Variants in TENM2 observed in about 807,000 individuals in gnomAD.
TENM2 encodes the protein teneurin transmembrane protein 2.
TENM2 carries 52 observed loss-of-function variants against 245.2 expected under a neutral mutation model. The ratio of observed to expected loss-of-function variants is 0.21; its 90% CI spans 0.17 to 0.27. The LOEUF is 0.27. TENM2 is among the 10% of genes least tolerant of loss of function. The probability of loss-of-function intolerance (pLI) is 1.00; values close to 1 mark genes in which losing one functional copy is unlikely to be tolerated. For missense variants in TENM2, 3,046 were observed against 3,666.8 expected (o/e 0.83, Z 4.37); for synonymous variants, 1,363 against 1,438.9 (o/e 0.95, Z 1.19).
chr5:168,140,151 A>G (rs1338385929), intron 12 of TENM2, among the ~76,000 whole-genome samples: 5 of 152,196 alleles, frequency 3.3e-5, no homozygotes, highest in Admixed American at 1.3e-4. Context: ...TCTCATTACC[A>G]TGATACAATG....
the TENM2 span, among the ~76,000 whole-genome samples, chr5:166,982,701 A>C: frequency 6.6e-6 from 1 of 152,068 alleles, no homozygotes. Context: ...ATGTACTCAC[A>C]AGGAGAAACC....
chr5:168,068,492 G>T (rs2066910539), intron 7 of TENM2, among the ~76,000 whole-genome samples: 1 of 152,050 alleles, frequency 6.6e-6, no homozygotes. Flanking sequence ...TCAAATCCAT[G>T]TTTAGTATTA....
chr5:167,735,581 A>C (rs1207412471), intron 2 of TENM2, among the ~76,000 whole-genome samples: 4 of 152,192 alleles, frequency 2.6e-5, no homozygotes, highest in African/African-American at 7.2e-5. Flanking sequence ...CCAAGGCAGG[A>C]GGATCGCTTA....
At chr5:167,647,610 G>C (rs1415063871) in intron 2 of TENM2, among the ~76,000 whole-genome samples, 1 of 151,966 alleles carries the variant, frequency 6.6e-6, no homozygotes, top group South Asian at 2.1e-4. Flanking sequence ...GCAACAGAGA[G>C]AGACTTAGTC....
At chr5:167,134,163 T>C in the TENM2 span, among the ~76,000 whole-genome samples, 1 of 152,302 alleles carries the variant, frequency 6.6e-6, no homozygotes, top group Admixed American at 6.5e-5. Context: ...AAACTGGGAT[T>C]ATTAAAAGTC....
At chr5:168,238,341 T>C (rs1392492514) in intron 25 of TENM2, among the ~76,000 whole-genome samples, 2 of 151,100 alleles carry the variant, frequency 1.3e-5, no homozygotes, top group African/African-American at 4.9e-5. Flanking sequence ...AATGAAGATG[T>C]CCTCTAGGCC....
At chr5:167,998,902 A>G (rs910853836) in intron 5 of TENM2, among the ~76,000 whole-genome samples, 1 of 152,216 alleles carries the variant, frequency 6.6e-6, no homozygotes, top group Non-Finnish European at 1.5e-5. Flanking sequence ...ATTATTTTCT[A>G]TGGAAACTAA....
Position 168,018,085 on chromosome 5 carries a change from C to T in TENM2, c.1186+24903C>T, listed in dbSNP as rs531573979. 3.9e-5 allele frequency among the ~76,000 whole-genome samples: 6 copies of T among 152,318 alleles called. 1 individual carries two copies. Among genetic ancestry groups the T allele is most frequent in the African/African-American group, 1.4e-4 (6 of 41,576 alleles). On this transcript the variant is annotated intron_variant, in intron 5 of 28. Transcript: ENST00000518659. ...CTGGCAAAATGGAGAAATTAACTGCCTACCAGCATCTCGGAGTTGGTTGTG... is the reference window on the plus strand; with the variant it reads ...CTGGCAAAATGGAGAAATTAACTGCTTACCAGCATCTCGGAGTTGGTTGTG...
intron 9 of TENM2, among the ~76,000 whole-genome samples, chr5:168,103,269 G>C (rs1793968466): frequency 1.3e-5 from 2 of 152,196 alleles, no homozygotes; most frequent in African/African-American, 4.8e-5. Flanking sequence ...ATAGAACACA[G>C]AGTTTCCATA....
intron 5 of TENM2, among the ~76,000 whole-genome samples, chr5:168,017,432 C>T (rs1487780104): frequency 3.9e-5 from 6 of 152,170 alleles, no homozygotes; most frequent in Admixed American, 1.3e-4. Context: ...TGGAGCTCTT[C>T]GTGACAGACC....
chr5:167,640,619 CAAA>C (rs777939339), intron 2 of TENM2, among the ~76,000 whole-genome samples: 37 of 76,254 alleles, frequency 4.9e-4, no homozygotes, highest in African/African-American at 1.3e-3. Flanking sequence ...AACTCCATCT[CAAA>C]AAAAAAAAAA....
intron 13 of TENM2, among the ~76,000 whole-genome samples, chr5:168,182,350 C>T (rs1759983696): frequency 6.6e-6 from 1 of 152,124 alleles, no homozygotes; most frequent in Admixed American, 6.5e-5. Flanking sequence ...TAAGAATAAC[C>T]TTCATGTATT....
chr5:167,899,965 C>T (rs1448172717), intron 3 of TENM2, among the ~76,000 whole-genome samples: 1 of 152,070 alleles, frequency 6.6e-6, no homozygotes, highest in Admixed American at 6.5e-5. Flanking sequence ...CAATTTAAGG[C>T]TTTTATTCTA....
chr5:167,762,173 A>G (rs993620861), intron 2 of TENM2, among the ~76,000 whole-genome samples: 1 of 152,084 alleles, frequency 6.6e-6, no homozygotes, highest in Non-Finnish European at 1.5e-5. Flanking sequence ...ATATAAACAC[A>G]CACGTGCACG....
At chr5:167,036,133 A>G in the TENM2 span, among the ~76,000 whole-genome samples, 37 of 152,212 alleles carry the variant, frequency 2.4e-4, no homozygotes, top group Non-Finnish European at 4.7e-4. Context: ...TTTGGGTATG[A>G]TCATTCAGAA....
chr5:167,119,746 T>G, the TENM2 span, among the ~76,000 whole-genome samples: 36 of 152,330 alleles, frequency 2.4e-4, 1 homozygote, highest in South Asian at 2.1e-4. Flanking sequence ...AGGTGACACC[T>G]TGAAACCATA....
intron 8 of TENM2, among the ~76,000 whole-genome samples, chr5:168,092,508 A>T (rs1462928492): frequency 6.6e-6 from 1 of 152,236 alleles, no homozygotes; most frequent in Non-Finnish European, 1.5e-5. Flanking sequence ...CTTTACAGAC[A>T]AAGTTTGCCA....
intron 2 of TENM2, among the ~76,000 whole-genome samples, chr5:167,486,382 G>T (rs890462643): frequency 6.7e-6 from 1 of 149,236 alleles, no homozygotes; most frequent in Admixed American, 6.7e-5. Context: ...AGGCTGGAGT[G>T]CAGTGGCGCC....
At chr5:168,088,741 G>A (rs1792674949) in intron 7 of TENM2, among the ~76,000 whole-genome samples, 1 of 152,200 alleles carries the variant, frequency 6.6e-6, no homozygotes, top group African/African-American at 2.4e-5. Flanking sequence ...AAGTGACAGA[G>A]TCAGAATTCA....
Sources: gnomAD v4.1 joint callset for allele counts (sites outside exome capture counted in the v4.1 genomes callset) on GRCh38, gnomAD v4.1.1 for gene constraint, MANE v1.5 for transcripts, NCBI Gene and HGNC (gene_info 2026-07-23, HGNC 2026-07-21) for gene names.